The following PARP4 variants were observed in gnomAD, a reference collection of about 807,000 sequenced individuals.
PARP4 encodes the protein poly(ADP-ribose) polymerase family member 4.
In PARP4, 120 loss-of-function variants were observed where a neutral mutation model predicts 187.7. The ratio of observed to expected loss-of-function variants is 0.64; its 90% CI spans 0.55 to 0.74. The LOEUF (loss-of-function observed/expected upper bound fraction) is 0.74. Among genes scored for constraint, PARP4 ranks in the 30% least tolerant of loss-of-function variants. The pLI is 0.00. For synonymous variants in PARP4, 654 were observed against 740.9 expected (o/e 0.88, Z 1.90); for missense variants, 1,836 against 2,070.5 (o/e 0.89, Z 2.20).
At chr13:24,488,605 C>T (rs1364593359) in intron 10 of PARP4, among the ~76,000 whole-genome samples, 4 of 152,168 alleles carry the variant, frequency 2.6e-5, no homozygotes, top group African/African-American at 4.8e-5. Flanking sequence ...CTGCCCACCT[C>T]GGCCTCCCAA....
At chr13:24,506,865 G>C (rs143556049) in intron 1 of PARP4, among the ~76,000 whole-genome samples, 1 of 152,308 alleles carries the variant, frequency 6.6e-6, no homozygotes, top group South Asian at 2.1e-4. Flanking sequence ...CGCCGGCCGC[G>C]CTCCTGCGGG....
chr13:24,470,860 C>G (rs1872700750), intron 15 of PARP4, among the ~76,000 whole-genome samples: 1 of 149,964 alleles, frequency 6.7e-6, no homozygotes, highest in Non-Finnish European at 1.5e-5. Context: ...TTCAAGGAGT[C>G]CTTGTTAATA....
At chr13:24,451,725 C>T (rs1373438670) in intron 24 of PARP4, among the ~76,000 whole-genome samples, 1 of 152,208 alleles carries the variant, frequency 6.6e-6, no homozygotes, top group African/African-American at 2.4e-5. Context: ...TGGGCAAGTC[C>T]TATGCAGACA....
chr13:24,492,315 T>C (rs1461032652), intron 9 of PARP4, 106 bp downstream of exon 9: 3 of 744,496 alleles, frequency 4.0e-6, no homozygotes, highest in Non-Finnish European at 6.4e-6. Context: ...AGTACAACTC[T>C]GGAGACAATT....
chr13:24,488,611 C>T (rs1301761238), intron 10 of PARP4, among the ~76,000 whole-genome samples: 1 of 152,170 alleles, frequency 6.6e-6, no homozygotes. Flanking sequence ...ACCTCGGCCT[C>T]CCAAAGTGCT....
Position 24,421,059 on chromosome 13 carries a change from T to A in PARP4, c.*60A>T. 7.2e-7 allele frequency: 1 copy of A among 1,397,672 alleles called. No homozygotes were observed. The highest frequency in any genetic ancestry group is 9.6e-7 in the Non-Finnish European group (1 of 1,040,250). The allele number at this position is 1,397,672 out of a possible 1,614,324, so 86.6% of individuals were successfully genotyped here. ...GAAGTTTCATTATAAGTATCTATTA[T>A]CATTTGATTATTTTCTACATAGAAG... is the stretch of plus-strand genomic sequence containing the variant. On this transcript the variant is annotated 3_prime_UTR_variant, in exon 34 of 34. Transcript: ENST00000381989.
At chr13:24,468,478 C>T (rs562812107) in intron 17 of PARP4, among the ~76,000 whole-genome samples, 1 of 145,982 alleles carries the variant, frequency 6.9e-6, no homozygotes, top group South Asian at 2.2e-4. Flanking sequence ...AATTTTGGCT[C>T]ACTGCAACCT....
At position 24,477,847 on chromosome 13, in the gene PARP4, A is replaced by T. The variant is rs755044120; in HGVS notation, c.1643T>A (p.Phe548Tyr). The change falls in exon 14 of 34, where the codon TTT becomes TAT. Residue 548 changes from phenylalanine to tyrosine, a missense_variant. Physicochemically the swap from Phe to Tyr is conservative, Grantham distance 22 (BLOSUM62 3). Around this residue, in one of 8 missense-constraint regions of PARP4, gnomAD observed 1,147 missense variants for 1,214.2 expected, o/e 0.94. Coordinates refer to ENST00000381989, the MANE Select transcript of PARP4 (RefSeq NM_006437.4). ...SVTTDFEDDE[F>Y]VVYKTNQVKM... ...AACCTGATTGGTTTTATAGACAACA[A>T]ATTCATCATCCTAGAGCAAACAGAA... 26 of 1,577,470 alleles carry T rather than the reference A, an allele frequency of 1.6e-5. No homozygotes were observed. Among genetic ancestry groups the T allele is most frequent in the Non-Finnish European group, 2.1e-5 (25 of 1,164,872 alleles).
chr13:24,475,628 A>C, intron 14 of PARP4, 32 bp from the exon 15 acceptor site: 1 of 1,605,454 alleles, frequency 6.2e-7, no homozygotes, highest in Non-Finnish European at 8.5e-7. Flanking sequence ...ATTAGCTTTC[A>C]AAACCATCCC....
intron 14 of PARP4, among the ~76,000 whole-genome samples, chr13:24,477,457 C>CA (rs35563035): frequency 0.51 from 76,297 of 149,672 alleles, 19,614 homozygotes; most frequent in South Asian, 0.64. Flanking sequence ...GACCCTGTCT[C>CA]AAAAAAAAAG....
chr13:24,471,371 C>T (rs1872722636), intron 15 of PARP4, among the ~76,000 whole-genome samples: 2 of 152,296 alleles, frequency 1.3e-5, no homozygotes, highest in African/African-American at 4.8e-5. Context: ...GGCAGCTGCA[C>T]TCTCTTTGCA....
chr13:24,470,298 T>C (rs1474862362), intron 15 of PARP4, among the ~76,000 whole-genome samples: 2 of 152,198 alleles, frequency 1.3e-5, no homozygotes, highest in African/African-American at 4.8e-5. Context: ...AGACGCAATA[T>C]AGCTCTTGTT....
chr13:24,501,966 C>T lies in PARP4; in HGVS notation c.133-132G>A. The T allele has an allele frequency of 6.6e-6, 4 of 609,862 alleles. No individual in the cohort carries two copies. In the East Asian group the frequency reaches 1.1e-4, roughly 17 times the overall value. 37.8% of individuals were successfully genotyped at this position (609,862 alleles called of 1,614,324 possible). On this transcript the variant is annotated intron_variant, in intron 2 of 33. Transcript: ENST00000381989. ...ATAATCTTTCTCAAATTTCGAAAAA[C>T]CTCTATAAATATCACAGTTTCTAGT...
At chr13:24,481,102 T>G (rs1873253782) in intron 12 of PARP4, among the ~76,000 whole-genome samples, 1 of 152,154 alleles carries the variant, frequency 6.6e-6, no homozygotes. Context: ...CTAGGGCCCT[T>G]AAGAATTGCG....
At chr13:24,501,927 T>A in intron 2 of PARP4, 93 bp from the exon 3 acceptor site, 1 of 773,400 alleles carries the variant, frequency 1.3e-6, no homozygotes, top group Non-Finnish European at 2.1e-6. Context: ...TAGAAAGTAT[T>A]AAGGTAGTTT....
rs1463311387 is a variant in PARP4, at chr13:24,499,669, G to A, written c.402-293C>T. Among the ~76,000 whole-genome samples the A allele has an allele frequency of 2.6e-5, 4 of 152,248 alleles. No individual in the cohort carries two copies. The East Asian group carries it at 7.7e-4, about 29-fold the overall frequency. On this transcript the variant is annotated intron_variant, in intron 4 of 33. Coordinates refer to ENST00000381989, the MANE Select transcript of PARP4 (RefSeq NM_006437.4). Reference sequence around the variant, plus strand: ...CCACGCGGCAGAGGCAGAAAGAAGTGGGCCGCACACTCTGGGGATGGGCTA... The same window carrying A: ...CCACGCGGCAGAGGCAGAAAGAAGTAGGCCGCACACTCTGGGGATGGGCTA...
chr13:24,440,981 C>T (rs904460274), intron 30 of PARP4, among the ~76,000 whole-genome samples: 1 of 152,112 alleles, frequency 6.6e-6, no homozygotes, highest in Non-Finnish European at 1.5e-5. Context: ...CAAGCATCCT[C>T]CTGCCACAGC....
rs1160447544 is a variant in PARP4 at position 24,486,403 on chromosome 13, T to C, written c.1215-98A>G. The C allele has an allele frequency of 1.1e-5, 9 of 783,352 alleles. No homozygotes were observed. In the East Asian group the frequency reaches 2.3e-4, roughly 20 times the overall value. The allele number at this position is 783,352 out of a possible 1,614,324, so 48.5% of individuals were successfully genotyped here. A position where few individuals can be genotyped will look rare whatever the true frequency, so the allele number is the denominator to read the frequency against. On this transcript the variant is annotated intron_variant, in intron 10 of 33. Coordinates refer to ENST00000381989, the MANE Select transcript of PARP4 (RefSeq NM_006437.4). The stretch of plus-strand genomic sequence containing the variant: ...AATCCCAAAAGAGTCCAAATGTCCA[T>C]TATCAGGAAACTGATTCAATGAGTC...
At chr13:24,486,827 C>G (rs567746208) in intron 10 of PARP4, among the ~76,000 whole-genome samples, 3 of 152,016 alleles carry the variant, frequency 2.0e-5, no homozygotes, top group African/African-American at 7.2e-5. Context: ...TGGTGCACAC[C>G]TGTAGTCTCA....
Sources: gnomAD v4.1 joint callset for allele counts (sites outside exome capture counted in the v4.1 genomes callset) on GRCh38, gnomAD v4.1.1 for gene constraint, gnomAD v4.1.1 regional missense constraint, MANE v1.5 for transcripts, NCBI Gene and HGNC (gene_info 2026-07-23, HGNC 2026-07-21) for gene names.